Variants in PDE7A observed in about 807,000 individuals in gnomAD.
PDE7A encodes the protein high affinity 3',5'-cyclic-AMP phosphodiesterase 7A.
Under a neutral mutation model 64.3 loss-of-function variants are expected in PDE7A, and 39 were observed. The ratio of observed to expected loss-of-function variants is 0.61; its 90% CI spans 0.47 to 0.79. The LOEUF (loss-of-function observed/expected upper bound fraction) is 0.79. PDE7A is among the 30% of genes least tolerant of loss of function. The pLI is 0.00. For missense variants in PDE7A, 470 were observed against 582.8 expected (o/e 0.81, Z 1.99); for synonymous variants, 203 against 206.8 (o/e 0.98, Z 0.16).
intron 1 of PDE7A, among the ~76,000 whole-genome samples, chr8:65,783,701 T>A (rs929996455): frequency 6.6e-6 from 1 of 152,232 alleles, no homozygotes; most frequent in African/African-American, 2.4e-5. Context: ...TAGTCATCAC[T>A]GCATCCCTGG....
intron 1 of PDE7A, among the ~76,000 whole-genome samples, chr8:65,787,882 A>G (rs563103385): frequency 7.2e-5 from 11 of 152,334 alleles, no homozygotes; most frequent in Non-Finnish European, 1.0e-4. Context: ...TGGCAAGCCA[A>G]TCCTTTAAAA....
intron 1 of PDE7A, chr8:65,788,821 T>C: frequency 8.5e-7 from 1 of 1,173,830 alleles, no homozygotes; most frequent in Non-Finnish European, 1.3e-6. Context: ...AGCTATTTAA[T>C]TCCTATCAAA....
At chr8:65,821,156 G>A (rs1219244072) in intron 1 of PDE7A, among the ~76,000 whole-genome samples, 2 of 151,040 alleles carry the variant, frequency 1.3e-5, no homozygotes, top group African/African-American at 4.9e-5. Context: ...AGGCCTTTTT[G>A]ACTTTTTAAA....
chr8:65,772,204 G>A (rs1809118307), intron 3 of PDE7A, among the ~76,000 whole-genome samples: 1 of 152,238 alleles, frequency 6.6e-6, no homozygotes, highest in African/African-American at 2.4e-5. Flanking sequence ...TTGAGGAGCT[G>A]TAAGCAGAGA....
Position 65,841,637 on chromosome 8 carries a change from G to C in PDE7A, c.-129C>G, listed in dbSNP as rs963149051. ...GCAGGGCGGGCGGGGACCGACCCCG[G>C]GCTGGGAAGCCGCGCTCACGCCTCC... On this transcript the variant is annotated 5_prime_UTR_variant, in exon 1 of 13. Transcript: ENST00000401827. 1 of 245,436 alleles carries C rather than the reference G, an allele frequency of 4.1e-6. No individual in the cohort carries two copies. Among genetic ancestry groups the C allele is most frequent in the African/African-American group, 2.3e-5 (1 of 42,962 alleles). The allele number at this position is 245,436 out of a possible 1,614,324, so 15.2% of individuals were successfully genotyped here. A position where few individuals can be genotyped will look rare whatever the true frequency, so the allele number is the denominator to read the frequency against.
chr8:65,792,888 C>T (rs1809738423), intron 1 of PDE7A, among the ~76,000 whole-genome samples: 5 of 151,976 alleles, frequency 3.3e-5, no homozygotes, highest in Non-Finnish European at 7.4e-5. Context: ...GAGAGTTTTG[C>T]CATTCAATTA....
intron 1 of PDE7A, among the ~76,000 whole-genome samples, chr8:65,789,261 G>C (rs1230195550): frequency 6.6e-6 from 1 of 152,202 alleles, no homozygotes; most frequent in Non-Finnish European, 1.5e-5. Context: ...GTAGGCAAAG[G>C]AGGCCTCAGG....
intron 1 of PDE7A, among the ~76,000 whole-genome samples, chr8:65,814,575 A>T (rs201862561): frequency 0.084 from 12,622 of 151,016 alleles, 1,660 homozygotes; most frequent in East Asian, 0.55. Flanking sequence ...GTACACATAT[A>T]ATACATACGA....
intron 6 of PDE7A, among the ~76,000 whole-genome samples, chr8:65,738,393 T>C (rs1585848899): frequency 6.6e-6 from 1 of 152,134 alleles, no homozygotes; most frequent in Non-Finnish European, 1.5e-5. Flanking sequence ...GAGCAGCAAA[T>C]GCAGGAGAGG....
chr8:65,740,184 G>T, intron 5 of PDE7A, among the ~76,000 whole-genome samples: 1 of 141,734 alleles, frequency 7.1e-6, no homozygotes, highest in Non-Finnish European at 1.5e-5. Context: ...GGTGGGGAGG[G>T]GGAATCACAA....
chr8:65,729,146 A>T (rs2128894291), intron 7 of PDE7A, among the ~76,000 whole-genome samples: 1 of 151,700 alleles, frequency 6.6e-6, no homozygotes, highest in East Asian at 1.9e-4. Flanking sequence ...GACAACAAAG[A>T]AATGTCAAAA....
chr8:65,752,867 C>T (rs1438012998), intron 3 of PDE7A, among the ~76,000 whole-genome samples: 2 of 152,102 alleles, frequency 1.3e-5, no homozygotes, highest in Non-Finnish European at 2.9e-5. Context: ...CATTTCTATC[C>T]ACTATAACCA....
rs1585953094 is a variant in PDE7A at position 65,829,084 on chromosome 8, A to C, written c.138+12287T>G. ...TATTCACTATGAAGAATTTACACAA[A>C]AAGTAAAATTTTAAAAAAATTTAAA... On this transcript the variant is annotated intron_variant, in intron 1 of 12. Transcript: ENST00000401827. Among the ~76,000 whole-genome samples the C allele has an allele frequency of 2.0e-5, 3 of 152,144 alleles. No homozygotes were observed. The East Asian group carries it at 5.8e-4, about 29-fold the overall frequency.
rs186565939 is a variant in PDE7A at position 65,740,681 on chromosome 8, G to A, written c.500-1084C>T. Among the ~76,000 whole-genome samples the A allele has an allele frequency of 1.4e-4, 21 of 152,206 alleles. No individual in the cohort carries two copies. In the South Asian group the frequency reaches 1.7e-3, roughly 12 times the overall value. Reference sequence around the variant, plus strand: ...TCCCAAAGTGCTGGGATTTACAGGCGTGAGCTACCACGCCTGGCCAAGTTT... The same window carrying A: ...TCCCAAAGTGCTGGGATTTACAGGCATGAGCTACCACGCCTGGCCAAGTTT... On this transcript the variant is annotated intron_variant, in intron 5 of 12. Transcript: ENST00000401827.
At chr8:65,813,702 G>A (rs80108217) in intron 1 of PDE7A, among the ~76,000 whole-genome samples, 1 of 152,202 alleles carries the variant, frequency 6.6e-6, no homozygotes, top group African/African-American at 2.4e-5. Flanking sequence ...ATAATAGCAC[G>A]ATTGGATATC....
chr8:65,840,139 T>C (rs1811045040), intron 1 of PDE7A, among the ~76,000 whole-genome samples: 1 of 152,214 alleles, frequency 6.6e-6, no homozygotes, highest in South Asian at 2.1e-4. Context: ...ATCACAGGTC[T>C]AACCTTCAAA....
intron 1 of PDE7A, among the ~76,000 whole-genome samples, chr8:65,802,725 G>GA (rs1310591485): frequency 6.6e-6 from 1 of 152,124 alleles, no homozygotes; most frequent in Admixed American, 6.5e-5. Context: ...TTGCAAACCT[G>GA]AAAAATCATC....
chr8:65,836,999 A>G (rs1255153043), intron 1 of PDE7A, among the ~76,000 whole-genome samples: 2 of 152,230 alleles, frequency 1.3e-5, no homozygotes, highest in South Asian at 2.1e-4. Context: ...CATAAGGCTA[A>G]TCCTGATTTA....
At chr8:65,720,597 G>A (rs774827021) in intron 12 of PDE7A, 5 of 153,932 alleles carry the variant, frequency 3.2e-5, no homozygotes, top group Non-Finnish European at 5.9e-5. Context: ...TACAATATGT[G>A]CAATAAGGCT....
Sources: allele counts gnomAD v4.1 joint callset (sites outside exome capture counted in the v4.1 genomes callset), GRCh38; gene constraint gnomAD v4.1.1; transcripts MANE v1.5; gene names NCBI Gene and HGNC (gene_info 2026-07-23, HGNC 2026-07-21).